UBTD1: variants seen among roughly 807,000 people sequenced by gnomAD.
UBTD1 encodes ubiquitin domain containing 1.
Under a neutral mutation model 21.7 loss-of-function variants are expected in UBTD1, and 19 were observed. The observed-to-expected ratio is 0.87, with a 90% CI of 0.61 to 1.28. The LOEUF is 1.28. Among genes scored for constraint, UBTD1 ranks in the 50% most tolerant of loss-of-function variants. The probability of loss-of-function intolerance (pLI) is 0.00; values close to 1 mark genes in which losing one functional copy is unlikely to be tolerated. For synonymous variants in UBTD1, 116 were observed against 135.1 expected (o/e 0.86, Z 0.98); for missense variants, 282 against 315.1 (o/e 0.89, Z 0.80).
chr10:97,550,642 G>A (rs1348243618), intron 1 of UBTD1, among the ~76,000 whole-genome samples: 2 of 152,184 alleles, frequency 1.3e-5, no homozygotes, highest in African/African-American at 4.8e-5. Flanking sequence ...GATCTATTCA[G>A]CTAGGGTCTG....
At chr10:97,523,295 G>C (rs1329732945) in intron 1 of UBTD1, among the ~76,000 whole-genome samples, 1 of 152,180 alleles carries the variant, frequency 6.6e-6, no homozygotes, top group Admixed American at 6.5e-5. Context: ...AGGTCAACAA[G>C]GTGGCCATCT....
At chr10:97,504,908 G>A (rs2040392054) in intron 1 of UBTD1, among the ~76,000 whole-genome samples, 1 of 152,152 alleles carries the variant, frequency 6.6e-6, no homozygotes, top group South Asian at 2.1e-4. Context: ...TATGACTCCT[G>A]TGGTTTGGGT....
Position 97,567,934 on chromosome 10 carries a change from A to AAAGAGCGGCTTAAGTGG in UBTD1, c.99_115dup (p.Asp39GlyfsTer10). ...CCCAGGACGCAATGAGCCCCTGAAG[A>AAAGAGCGGCTTAAGTGG]AAGAGCGGCTTAAGTGGAAGAGCGA... On this transcript the variant is annotated frameshift_variant, in exon 2 of 3. Transcript: ENST00000370664. LOFTEE classifies it high-confidence loss of function. 6.2e-7 allele frequency: 1 copy of AAAGAGCGGCTTAAGTGG among 1,614,104 alleles called. No individual in the cohort carries two copies. Among genetic ancestry groups the AAAGAGCGGCTTAAGTGG allele is most frequent in the Non-Finnish European group, 8.5e-7 (1 of 1,180,030 alleles).
chr10:97,527,957 G>A (rs1392083060), intron 1 of UBTD1, among the ~76,000 whole-genome samples: 1 of 152,112 alleles, frequency 6.6e-6, no homozygotes, highest in Admixed American at 6.5e-5. Context: ...TCAATGAGCT[G>A]CTGGGTACAC....
At chr10:97,534,316 G>A (rs2040549102) in intron 1 of UBTD1, among the ~76,000 whole-genome samples, 1 of 152,228 alleles carries the variant, frequency 6.6e-6, no homozygotes, top group Non-Finnish European at 1.5e-5. Context: ...CTGAGATGGG[G>A]AGGGCCCAGC....
intron 1 of UBTD1, among the ~76,000 whole-genome samples, chr10:97,543,581 G>A (rs1015960302): frequency 6.6e-6 from 1 of 152,176 alleles, no homozygotes; most frequent in African/African-American, 2.4e-5. Context: ...TTTGCATTTG[G>A]CAGATGTGCT....
Position 97,523,334 on chromosome 10 carries a change from C to T in UBTD1, c.70+24061C>T, listed in dbSNP as rs917331873. On this transcript the variant is annotated intron_variant, in intron 1 of 2. Coordinates refer to ENST00000370664, the MANE Select transcript of UBTD1 (RefSeq NM_024954.5). ...AGCAATAGAGGGAAATGGGCATTTG[C>T]GGAGTGTCTTCCATGCTCCAGGCAC... Among the ~76,000 whole-genome samples the T allele has an allele frequency of 3.3e-5, 5 of 152,214 alleles. No homozygotes were observed. The East Asian group carries it at 5.8e-4, about 18-fold the overall frequency.
chr10:97,510,137 G>C (rs1185344343), intron 1 of UBTD1, among the ~76,000 whole-genome samples: 1 of 150,880 alleles, frequency 6.6e-6, no homozygotes, highest in East Asian at 1.9e-4. Flanking sequence ...TCATTTTTTT[G>C]TATTTTTAGT....
At chr10:97,511,686 G>T (rs1055077600) in intron 1 of UBTD1, among the ~76,000 whole-genome samples, 2 of 151,842 alleles carry the variant, frequency 1.3e-5, no homozygotes, top group African/African-American at 4.8e-5. Flanking sequence ...TAGTGAAAGC[G>T]CTCTGTTCCC....
chr10:97,561,592 C>T (rs1182391317), intron 1 of UBTD1, among the ~76,000 whole-genome samples: 1 of 152,100 alleles, frequency 6.6e-6, no homozygotes, highest in Non-Finnish European at 1.5e-5. Context: ...TCACGATGTT[C>T]TTCTATACAA....
At chr10:97,532,868 T>G (rs747892559) in intron 1 of UBTD1, among the ~76,000 whole-genome samples, 9 of 152,160 alleles carry the variant, frequency 5.9e-5, no homozygotes, top group Non-Finnish European at 1.3e-4. Flanking sequence ...CATCACTTTC[T>G]AATGTTGTGC....
chr10:97,527,394 A>T (rs2040494668), intron 1 of UBTD1, among the ~76,000 whole-genome samples: 1 of 151,796 alleles, frequency 6.6e-6, no homozygotes, highest in South Asian at 2.1e-4. Flanking sequence ...TTAGGGCATA[A>T]TGTCCAAGTT....
intron 1 of UBTD1, among the ~76,000 whole-genome samples, chr10:97,535,196 C>T (rs1226031143): frequency 6.6e-6 from 1 of 152,234 alleles, no homozygotes; most frequent in Non-Finnish European, 1.5e-5. Flanking sequence ...CCAAAGCCTC[C>T]TTTCTGGACT....
intron 1 of UBTD1, among the ~76,000 whole-genome samples, chr10:97,511,480 G>A (rs1014481938): frequency 1.3e-5 from 2 of 152,146 alleles, no homozygotes; most frequent in Non-Finnish European, 2.9e-5. Flanking sequence ...TGCCACTCAT[G>A]ACTAGCAAAT....
intron 1 of UBTD1, among the ~76,000 whole-genome samples, chr10:97,510,871 G>A (rs1252172423): frequency 6.6e-6 from 1 of 152,104 alleles, no homozygotes; most frequent in East Asian, 1.9e-4. Context: ...TACAATTCTT[G>A]CTGATCTCAG....
At chr10:97,510,728 A>G (rs916903967) in intron 1 of UBTD1, among the ~76,000 whole-genome samples, 4 of 152,154 alleles carry the variant, frequency 2.6e-5, no homozygotes, top group South Asian at 2.1e-4. Flanking sequence ...TGGGTTATCT[A>G]CTGTTCGACC....
chr10:97,551,987 C>T (rs1269100563), intron 1 of UBTD1, among the ~76,000 whole-genome samples: 1 of 152,104 alleles, frequency 6.6e-6, no homozygotes, highest in African/African-American at 2.4e-5. Flanking sequence ...TAGCTCATCA[C>T]TGCAGCCTTG....
intron 1 of UBTD1, 131 bp downstream of exon 1, chr10:97,499,404 GC>G: frequency 8.4e-7 from 1 of 1,187,418 alleles, no homozygotes; most frequent in Non-Finnish European, 1.1e-6. Context: ...CTGCTCCGCA[GC>G]CAGAGGGGGC....
chr10:97,540,838 G>A (rs140312496), intron 1 of UBTD1, among the ~76,000 whole-genome samples: 1 of 152,354 alleles, frequency 6.6e-6, no homozygotes, highest in South Asian at 2.1e-4. Context: ...CGTGGGCATT[G>A]CCGAGTCAAT....
Sources: allele counts gnomAD v4.1 joint callset (sites outside exome capture counted in the v4.1 genomes callset), GRCh38; gene constraint gnomAD v4.1.1; transcripts MANE v1.5; gene names NCBI Gene and HGNC (gene_info 2026-07-23, HGNC 2026-07-21).